The following PTPN22 variants were observed in gnomAD, a reference collection of about 807,000 sequenced individuals.
PTPN22 encodes protein tyrosine phosphatase non-receptor type 22.
Under a neutral mutation model 103.3 loss-of-function variants are expected in PTPN22, and 85 were observed. That is an observed-to-expected ratio of 0.82 (90% CI 0.69 to 0.99). The LOEUF is 0.99. Ranked by LOEUF, PTPN22 falls within the 50% of genes least tolerant of loss-of-function variation. PTPN22 has a pLI of 0.00. For missense variants in PTPN22, 865 were observed against 936.9 expected, an observed-to-expected ratio of 0.92 and a Z score of 1.00; for synonymous variants, 323 against 310.2, an observed-to-expected ratio of 1.04 and a Z score of -0.43.
At chr1:113,822,322 T>C (rs1014809244) in intron 19 of PTPN22, among the ~76,000 whole-genome samples, 3 of 152,216 alleles carry the variant, frequency 2.0e-5, no homozygotes, top group African/African-American at 7.2e-5. Flanking sequence ...CGTTTTATAC[T>C]TTTCTGTGAA....
At chr1:113,864,464 A>T (rs1665937330) in intron 1 of PTPN22, 2 of 303,238 alleles carry the variant, frequency 6.6e-6, no homozygotes, top group South Asian at 5.1e-5. Context: ...CCAAATTGAG[A>T]TCTAAAGAAT....
At chr1:113,867,858 C>A (rs921596797) in intron 1 of PTPN22, among the ~76,000 whole-genome samples, 1 of 152,338 alleles carries the variant, frequency 6.6e-6, no homozygotes, top group Middle Eastern at 3.4e-3. Context: ...GAATACAGTC[C>A]TCTCACAGTA....
intron 3 of PTPN22, 63 bp from the exon 4 acceptor site, chr1:113,858,636 C>T: frequency 9.7e-7 from 1 of 1,035,454 alleles, no homozygotes; most frequent in South Asian, 1.7e-5. Flanking sequence ...ACCTAGTCCT[C>T]CGCTTCCTTT....
intron 11 of PTPN22, among the ~76,000 whole-genome samples, chr1:113,846,650 A>G (rs1664081388): frequency 6.6e-6 from 1 of 152,090 alleles, no homozygotes; most frequent in Non-Finnish European, 1.5e-5. Flanking sequence ...TCTACTGGTA[A>G]CAGATTATCT....
intron 1 of PTPN22, among the ~76,000 whole-genome samples, chr1:113,861,306 T>C (rs1238228155): frequency 6.6e-6 from 1 of 152,180 alleles, no homozygotes; most frequent in Non-Finnish European, 1.5e-5. Context: ...AGTGGCATGA[T>C]CTCGGTTCAC....
chr1:113,847,155 C>G (rs1309791445), intron 11 of PTPN22, among the ~76,000 whole-genome samples: 1 of 148,974 alleles, frequency 6.7e-6, no homozygotes, highest in Non-Finnish European at 1.5e-5. Flanking sequence ...TTGAACCCAT[C>G]TATTTTGCTT....
chr1:113,825,160 A>G (rs148434451), exon 19 of PTPN22: 3 of 1,508,236 alleles, frequency 2.0e-6, no homozygotes, highest in African/African-American at 1.4e-5. Flanking sequence ...ATGTTTCGCA[A>G]AATTTTCAAA....
At chr1:113,838,302 C>G (rs74163654) in exon 13 of PTPN22, 3 of 1,613,158 alleles carry the variant, frequency 1.9e-6, no homozygotes, top group Non-Finnish European at 1.7e-6. Context: ...GCAAAACTAG[C>G]TCTTCTTTTG....
At chr1:113,828,859 A>G (rs1296781909) in intron 18 of PTPN22, among the ~76,000 whole-genome samples, 2 of 152,012 alleles carry the variant, frequency 1.3e-5, no homozygotes, top group Non-Finnish European at 2.9e-5. Flanking sequence ...CTGGTCTCGA[A>G]TCCTGAGCTC....
exon 21 of PTPN22, chr1:113,814,336 T>C (rs557156565): frequency 2.0e-5 from 3 of 152,208 alleles, no homozygotes; most frequent in Non-Finnish European, 4.4e-5. Flanking sequence ...TTGTCATTAT[T>C]TGCACATTTT....
rs1305916980 is a variant in PTPN22 at position 113,824,887 on chromosome 1, CTAAT to C, written c.2281+251_2281+254del. On this transcript the variant is annotated intron_variant, in intron 19 of 20. Coordinates refer to ENST00000359785, the Ensembl canonical transcript of PTPN22. ...TTAAAATTTTTTTAATGCCATTGTA[CTAAT>C]TATTATTCTTGTGTATTAAACAGAA... 2.1e-5 allele frequency among the ~76,000 whole-genome samples: 3 copies of C among 144,298 alleles called. No individual in the cohort carries two copies. In the East Asian group the frequency reaches 6.2e-4, roughly 30 times the overall value. The allele number at this position is 144,298 out of a possible 152,430, so 94.7% of individuals were successfully genotyped here. A position where few individuals can be genotyped will look rare whatever the true frequency, so the allele number is the denominator to read the frequency against.
chr1:113,859,193 T>C, intron 2 of PTPN22, 115 bp from the exon 3 acceptor site: 2 of 1,546,900 alleles, frequency 1.3e-6, no homozygotes, highest in Non-Finnish European at 1.7e-6. Context: ...AGTGAATGAA[T>C]GAATGAATGA....
exon 13 of PTPN22, chr1:113,837,774 T>C (rs765043618): frequency 6.2e-7 from 1 of 1,613,928 alleles, no homozygotes; most frequent in Non-Finnish European, 8.5e-7. Context: ...TGGTACCACT[T>C]GGAGGCCATG....
At chr1:113,857,921 CTT>C (rs1453000144) in intron 4 of PTPN22, 145 bp from the exon 5 acceptor site, 3 of 635,852 alleles carry the variant, frequency 4.7e-6, no homozygotes, top group East Asian at 5.9e-5. Context: ...ATCCTGGTGA[CTT>C]ATAAAATATT....
At chr1:113,850,553 T>C (rs1283811178) in intron 10 of PTPN22, among the ~76,000 whole-genome samples, 1 of 152,210 alleles carries the variant, frequency 6.6e-6, no homozygotes, top group Non-Finnish European at 1.5e-5. Context: ...TTTACATGGA[T>C]CAGCCTTCTT....
intron 1 of PTPN22, among the ~76,000 whole-genome samples, chr1:113,868,410 T>G (rs1030484288): frequency 1.3e-5 from 2 of 152,188 alleles, no homozygotes; most frequent in Non-Finnish European, 2.9e-5. Context: ...GGGCTTAAGA[T>G]GGGACACAGA....
intron 13 of PTPN22, among the ~76,000 whole-genome samples, chr1:113,837,087 T>G (rs1328306030): frequency 6.6e-6 from 1 of 152,158 alleles, no homozygotes; most frequent in Non-Finnish European, 1.5e-5. Flanking sequence ...TTGATGTTGC[T>G]ATTTTCAACT....
intron 1 of PTPN22, among the ~76,000 whole-genome samples, chr1:113,863,810 T>C (rs1039302785): frequency 6.6e-6 from 1 of 151,960 alleles, no homozygotes; most frequent in Non-Finnish European, 1.5e-5. Flanking sequence ...ACCAGTCTGA[T>C]TTCTAGTATA....
At chr1:113,831,776 C>T (rs915851908) in intron 16 of PTPN22, among the ~76,000 whole-genome samples, 1 of 152,176 alleles carries the variant, frequency 6.6e-6, no homozygotes, top group African/African-American at 2.4e-5. Flanking sequence ...CTGGTGATTA[C>T]AGTCAGTGCC....
Sources: gnomAD v4.1 joint callset for allele counts (sites outside exome capture counted in the v4.1 genomes callset) on GRCh38, gnomAD v4.1.1 for gene constraint, MANE v1.5 for transcripts, NCBI Gene and HGNC (gene_info 2026-07-23, HGNC 2026-07-21) for gene names.